Variants in PCDH9 observed in about 807,000 individuals in gnomAD.
PCDH9 encodes protocadherin-9.
A neutral mutation model predicts 70.6 loss-of-function variants in PCDH9; 24 were observed. That is an observed-to-expected ratio of 0.34 (90% CI 0.25 to 0.48). The LOEUF (loss-of-function observed/expected upper bound fraction) is 0.48, where lower values mean the gene tolerates loss of function less well. Among genes scored for constraint, PCDH9 ranks in the 20% least tolerant of loss-of-function variants. The pLI, the probability that PCDH9 is intolerant of heterozygous loss-of-function variation, is 0.99. For synonymous variants in PCDH9, 562 were observed against 558.5 expected (o/e 1.01, Z -0.09); for missense variants, 1,281 against 1,503.6 (o/e 0.85, Z 2.45).
At chr13:67,139,433 CAG>C (rs765454557) in intron 2 of PCDH9, among the ~76,000 whole-genome samples, 5 of 152,164 alleles carry the variant, frequency 3.3e-5, no homozygotes, top group Non-Finnish European at 5.9e-5. Flanking sequence ...ATGAAACTAA[CAG>C]AGTGATAATA....
chr13:66,737,289 G>A (rs1017707544), intron 3 of PCDH9, among the ~76,000 whole-genome samples: 2 of 152,098 alleles, frequency 1.3e-5, no homozygotes, highest in Admixed American at 6.5e-5. Context: ...GTAATTTAAG[G>A]TTGATAAATT....
intron 3 of PCDH9, among the ~76,000 whole-genome samples, chr13:66,795,837 C>A (rs148428159): frequency 1.3e-5 from 2 of 152,264 alleles, no homozygotes; most frequent in Middle Eastern, 3.4e-3. Flanking sequence ...CTCTTTGTTA[C>A]TACAAACACT....
intron 2 of PCDH9, among the ~76,000 whole-genome samples, chr13:67,076,301 T>A (rs1037487525): frequency 6.6e-6 from 1 of 152,136 alleles, no homozygotes; most frequent in African/African-American, 2.4e-5. Flanking sequence ...TTTGAATTTG[T>A]GAGAATGGAT....
chr13:67,017,543 G>A (rs536412619), intron 2 of PCDH9, among the ~76,000 whole-genome samples: 1 of 152,216 alleles, frequency 6.6e-6, no homozygotes, highest in East Asian at 1.9e-4. Flanking sequence ...CATGATCCCA[G>A]GTTTACTGGG....
chr13:66,665,393 TGAC>T (rs1320324443), intron 3 of PCDH9, among the ~76,000 whole-genome samples: 1 of 152,056 alleles, frequency 6.6e-6, no homozygotes, highest in Non-Finnish European at 1.5e-5. Flanking sequence ...CCACCGCGCC[TGAC>T]CAGAAAGCTA....
intron 3 of PCDH9, among the ~76,000 whole-genome samples, chr13:66,840,569 C>A (rs909868626): frequency 6.6e-6 from 1 of 152,172 alleles, no homozygotes; most frequent in African/African-American, 2.4e-5. Context: ...AAAACATTCT[C>A]TACTAAATAA....
chr13:67,102,734 C>T (rs1359791220), intron 2 of PCDH9, among the ~76,000 whole-genome samples: 1 of 152,062 alleles, frequency 6.6e-6, no homozygotes, highest in Admixed American at 6.5e-5. Context: ...ACCTGAACTG[C>T]TGGATATAAA....
In PCDH9 at chr13:67,082,266, C is replaced by T. The variant is rs563566691; in HGVS notation, c.3036+143139G>A. Among the ~76,000 whole-genome samples, 28 of 152,262 alleles carry T rather than the reference C, an allele frequency of 1.8e-4. 1 individual carries two copies. Among genetic ancestry groups the T allele is most frequent in the South Asian group, 1.0e-3 (5 of 4,828 alleles). On this transcript the variant is annotated intron_variant, in intron 2 of 4. Transcript: ENST00000377865. ...TCCCTACTTCCTCCTGCTCCCAGCG[C>T]CTTGCAACCAACATTTGACCCTCTG... is the stretch of plus-strand genomic sequence containing the variant.
At chr13:66,309,817 G>A (rs2138061069) in intron 4 of PCDH9, among the ~76,000 whole-genome samples, 1 of 151,688 alleles carries the variant, frequency 6.6e-6, no homozygotes, top group East Asian at 1.9e-4. Context: ...AGTGTGGTGT[G>A]TTTGTGCATG....
intron 3 of PCDH9, among the ~76,000 whole-genome samples, chr13:66,744,728 A>T (rs1447793181): frequency 6.6e-6 from 1 of 152,194 alleles, no homozygotes; most frequent in East Asian, 1.9e-4. Context: ...TTATTCTTTC[A>T]AGGTAAACAT....
intron 3 of PCDH9, among the ~76,000 whole-genome samples, chr13:66,878,132 A>T (rs1451031196): frequency 2.0e-5 from 3 of 152,222 alleles, no homozygotes; most frequent in Admixed American, 2.0e-4. Flanking sequence ...AGAGCATGAA[A>T]CAGTGAGATG....
chr13:66,667,115 A>T (rs1254995241), intron 3 of PCDH9, among the ~76,000 whole-genome samples: 2 of 152,178 alleles, frequency 1.3e-5, no homozygotes, highest in Non-Finnish European at 2.9e-5. Flanking sequence ...TTGAGAAAAG[A>T]AAGGGAAAGA....
At chr13:67,207,338 A>G (rs1487648004) in intron 2 of PCDH9, 1 of 152,202 alleles carries the variant, frequency 6.6e-6, no homozygotes, top group Non-Finnish European at 1.5e-5. Flanking sequence ...TAAGACTGCT[A>G]GGGTTGGAAC....
At position 66,740,579 on chromosome 13, in the gene PCDH9, G is replaced by GGCCGC. The variant is rs1566162148; in HGVS notation, c.3139-109169_3139-109168insGCGGC. Among the ~76,000 whole-genome samples, 5 of 146,602 alleles carry GGCCGC rather than the reference G, an allele frequency of 3.4e-5. No individual in the cohort carries two copies. In the East Asian group the frequency reaches 1.0e-3, roughly 30 times the overall value. On this transcript the variant is annotated intron_variant, in intron 3 of 4. Transcript: ENST00000377865. ...TGGTTTTTTGAAAGGATCACCAAAA[G>GGCCGC]TGATAGGCCGCTAGCAAGACTAATA...
intron 2 of PCDH9, among the ~76,000 whole-genome samples, chr13:66,992,754 T>C (rs2084029304): frequency 6.6e-6 from 1 of 151,850 alleles, no homozygotes; most frequent in African/African-American, 2.4e-5. Flanking sequence ...AGACAAAAAA[T>C]AGCACAGAAG....
intron 4 of PCDH9, among the ~76,000 whole-genome samples, chr13:66,320,457 C>A (rs562164949): frequency 6.6e-6 from 1 of 152,034 alleles, no homozygotes; most frequent in Admixed American, 6.6e-5. Flanking sequence ...ATCTAGTTGA[C>A]AGTCAAAAGT....
intron 4 of PCDH9, among the ~76,000 whole-genome samples, chr13:66,543,811 C>T (rs1444509591): frequency 4.6e-5 from 7 of 152,228 alleles, no homozygotes; most frequent in African/African-American, 1.4e-4. Context: ...TGCTGTGCTA[C>T]AAGAGCTTTG....
intron 3 of PCDH9, among the ~76,000 whole-genome samples, chr13:66,695,967 A>T (rs1366980528): frequency 6.6e-6 from 1 of 152,190 alleles, no homozygotes; most frequent in East Asian, 1.9e-4. Flanking sequence ...ATTATCATGC[A>T]ATCATTTCAT....
intron 2 of PCDH9, chr13:67,202,702 CAG>C (rs1386495504): frequency 8.5e-5 from 13 of 152,084 alleles, no homozygotes; most frequent in Admixed American, 6.6e-5. Flanking sequence ...AACTGTAAAA[CAG>C]GGGTTTTGCA....
Sources: gnomAD v4.1 joint callset for allele counts (sites outside exome capture counted in the v4.1 genomes callset) on GRCh38, gnomAD v4.1.1 for gene constraint, MANE v1.5 for transcripts, NCBI Gene and HGNC (gene_info 2026-07-23, HGNC 2026-07-21) for gene names.